The following PCDHGA12 variants were observed in gnomAD, a reference collection of about 807,000 sequenced individuals.
PCDHGA12 encodes the protein protocadherin gamma-A12.
In PCDHGA12, 43 loss-of-function variants were observed where a neutral mutation model predicts 61.1. The ratio of observed to expected loss-of-function variants is 0.70; its 90% CI spans 0.55 to 0.91. The LOEUF (loss-of-function observed/expected upper bound fraction) is 0.91, where lower values mean the gene tolerates loss of function less well. Among genes scored for constraint, PCDHGA12 ranks in the 40% least tolerant of loss-of-function variants. PCDHGA12 has a pLI of 0.00. For missense variants in PCDHGA12, 1,236 were observed against 1,227.7 expected (o/e 1.01, Z -0.10); for synonymous variants, 520 against 542.9 (o/e 0.96, Z 0.59).
At chr5:141,438,633 TATACAC>T (rs1275936248) in intron 1 of PCDHGA12, among the ~76,000 whole-genome samples, 1,035 of 33,718 alleles carry the variant, frequency 0.031, 6 homozygotes, top group African/African-American at 0.063. Context: ...TATATATATA[TATACAC>T]ACACACACAC....
chr5:141,472,339 A>T (rs1330302365), intron 1 of PCDHGA12, among the ~76,000 whole-genome samples: 1 of 151,906 alleles, frequency 6.6e-6, no homozygotes, highest in Non-Finnish European at 1.5e-5. Flanking sequence ...TGGGAGATCG[A>T]GACCATCCTG....
chr5:141,511,358 G>T lies in PCDHGA12; in HGVS notation c.*185G>T, dbSNP rs905197337. 1.5e-6 allele frequency: 2 copies of T among 1,355,398 alleles called. No homozygotes were observed. Among genetic ancestry groups the T allele is most frequent in the East Asian group, 2.5e-5 (1 of 39,588 alleles). The allele number at this position is 1,355,398 out of a possible 1,614,324, so 84.0% of individuals were successfully genotyped here. ...GCACCTACCCCTTCCCCCCCAGGGGGTTGAATATGCAAAAGCAGTTCCGCT... is the reference window on the plus strand; with the variant it reads ...GCACCTACCCCTTCCCCCCCAGGGGTTTGAATATGCAAAAGCAGTTCCGCT... On this transcript the variant is annotated 3_prime_UTR_variant, in exon 4 of 4. Coordinates refer to ENST00000252085, the MANE Select transcript of PCDHGA12 (RefSeq NM_003735.3).
intron 1 of PCDHGA12, among the ~76,000 whole-genome samples, chr5:141,449,589 A>G (rs1196329432): frequency 7.6e-6 from 1 of 131,966 alleles, no homozygotes; most frequent in Non-Finnish European, 1.7e-5. Context: ...ACTCTGTCTC[A>G]AAAAAAAAAA....
chr5:141,462,122 C>T (rs1437400069), intron 1 of PCDHGA12, among the ~76,000 whole-genome samples: 1 of 152,044 alleles, frequency 6.6e-6, no homozygotes, highest in South Asian at 2.1e-4. Context: ...TGCACCCAGT[C>T]CAATTTTTTG....
chr5:141,491,071 C>T lies in PCDHGA12; in HGVS notation c.2425-3736C>T, dbSNP rs987564933. 1 of 1,614,152 alleles carries T rather than the reference C, an allele frequency of 6.2e-7. No individual in the cohort carries two copies. Among genetic ancestry groups the T allele is most frequent in the Non-Finnish European group, 8.5e-7 (1 of 1,180,028 alleles). ...TGCGTGGCTCTCCTACTCACTGTTGCCACAGTCCACAGCCCCAGGACTGTT... is the reference window on the plus strand; with the variant it reads ...TGCGTGGCTCTCCTACTCACTGTTGTCACAGTCCACAGCCCCAGGACTGTT... On this transcript the variant is annotated intron_variant, in intron 1 of 3. Transcript: ENST00000252085. This position sits in a 1 kb window ranked among gnomAD's most constrained non-coding sequence, Gnocchi z 6.9.
intron 1 of PCDHGA12, among the ~76,000 whole-genome samples, chr5:141,456,297 A>G (rs537379475): frequency 6.6e-6 from 1 of 152,274 alleles, no homozygotes; most frequent in African/African-American, 2.4e-5. Context: ...CGTCTAATGG[A>G]GAACAGCAGC....
chr5:141,433,595 G>C (rs2097629585), intron 1 of PCDHGA12, among the ~76,000 whole-genome samples: 1 of 152,070 alleles, frequency 6.6e-6, no homozygotes, highest in South Asian at 2.1e-4. Context: ...CAGTACTTTG[G>C]GAGGCCGAGG....
intron 1 of PCDHGA12, chr5:141,471,361 C>T (rs1206745378): frequency 6.6e-6 from 1 of 151,976 alleles, no homozygotes; most frequent in Non-Finnish European, 1.5e-5. Context: ...TCCAAGCCCC[C>T]TATTTTTATT....
Position 141,511,400 on chromosome 5 carries a change from T to C in PCDHGA12, c.*227T>C. The C allele has an allele frequency of 2.0e-6, 2 of 982,250 alleles. No individual in the cohort carries two copies. Among genetic ancestry groups the C allele is most frequent in the Non-Finnish European group, 2.9e-6 (2 of 688,054 alleles). The allele number at this position is 982,250 out of a possible 1,614,324, so 60.8% of individuals were successfully genotyped here. On this transcript the variant is annotated 3_prime_UTR_variant, in exon 4 of 4. Coordinates refer to ENST00000252085, the MANE Select transcript of PCDHGA12 (RefSeq NM_003735.3). ...AGTTCCGCTGGGAACCCCCATCCAA[T>C]CAACTGCTGTACCCATGGGGGTAGT...
chr5:141,494,901 G>C, intron 2 of PCDHGA12, 36 bp downstream of exon 2: 1 of 1,614,050 alleles, frequency 6.2e-7, no homozygotes, highest in Non-Finnish European at 8.5e-7. Context: ...CCTCTTCTCT[G>C]CGGCATTTTC....
chr5:141,501,666 T>C (rs2099810374), intron 2 of PCDHGA12, among the ~76,000 whole-genome samples: 1 of 152,142 alleles, frequency 6.6e-6, no homozygotes. Context: ...TTGGAAAATA[T>C]AGATAATCAC....
At position 141,487,289 on chromosome 5, in the gene PCDHGA12, G is replaced by T; in HGVS notation, c.2425-7518G>T. 6.2e-7 allele frequency: 1 copy of T among 1,614,096 alleles called. No individual in the cohort carries two copies. The highest frequency in any genetic ancestry group is 8.5e-7 in the Non-Finnish European group (1 of 1,180,024). On this transcript the variant is annotated intron_variant, in intron 1 of 3. Coordinates refer to ENST00000252085, the MANE Select transcript of PCDHGA12 (RefSeq NM_003735.3). The surrounding 1 kb of genome is among the most constrained non-coding windows in gnomAD (Gnocchi z 5.0). Reference sequence around the variant, plus strand: ...AGTGGCAATTTGCTTTGTCTCCTTTGGCTCATTCGTGGCACTACTCTCTAA... The same window carrying T: ...AGTGGCAATTTGCTTTGTCTCCTTTTGCTCATTCGTGGCACTACTCTCTAA...
intron 1 of PCDHGA12, among the ~76,000 whole-genome samples, chr5:141,463,839 T>C (rs1356261890): frequency 1.3e-5 from 2 of 152,240 alleles, no homozygotes; most frequent in African/African-American, 4.8e-5. Flanking sequence ...TTCCCAGTTG[T>C]TATAGTGGTA....
intron 2 of PCDHGA12, 30 bp from the exon 3 acceptor site, chr5:141,505,361 AGT>A: frequency 6.2e-7 from 1 of 1,613,910 alleles, no homozygotes; most frequent in Non-Finnish European, 8.5e-7. Context: ...CCGGCCTGGG[AGT>A]CTGTGCTCAC....
At chr5:141,496,808 G>A (rs1387209844) in intron 2 of PCDHGA12, among the ~76,000 whole-genome samples, 3 of 151,736 alleles carry the variant, frequency 2.0e-5, no homozygotes, top group South Asian at 4.2e-4. Flanking sequence ...GGCTATAGGA[G>A]TGAACAAGTA....
chr5:141,484,530 A>G (rs1406516272), intron 1 of PCDHGA12, among the ~76,000 whole-genome samples: 1 of 152,200 alleles, frequency 6.6e-6, no homozygotes, highest in East Asian at 1.9e-4. Context: ...TTTTGAGTAT[A>G]TGGCAGTGGT....
intron 3 of PCDHGA12, among the ~76,000 whole-genome samples, chr5:141,510,657 G>A (rs1388054630): frequency 6.6e-6 from 1 of 152,156 alleles, no homozygotes; most frequent in Non-Finnish European, 1.5e-5. Context: ...CCATTTTGCA[G>A]ATGAGAAAAC....
chr5:141,477,438 C>A lies in PCDHGA12; in HGVS notation c.2425-17369C>A, dbSNP rs1386997844. The A allele has an allele frequency of 3.1e-6, 5 of 1,614,174 alleles. No individual in the cohort carries two copies. The Admixed American group carries it at 6.7e-5, about 22-fold the overall frequency. On this transcript the variant is annotated intron_variant, in intron 1 of 3. Coordinates refer to ENST00000252085, the MANE Select transcript of PCDHGA12 (RefSeq NM_003735.3). The surrounding 1 kb of genome is among the most constrained non-coding windows in gnomAD (Gnocchi z 4.9). ...GGAACCCCTTCCCTCTCAGCCCTTA[C>A]AATAGTGCGTGTTCAAGTGTCCGAC...
rs781651287 is a variant in PCDHGA12, at chr5:141,505,380, A to G, written c.2484-13A>G. ...CCTGGGAGTCTGTGCTCACCATCCT[A>G]CTCTCTCCCCAGCTCCCAAAATGGC... On this transcript the variant is annotated splice_polypyrimidine_tract_variant and intron_variant, in intron 2 of 3. Transcript: ENST00000252085. The G allele has an allele frequency of 4.3e-6, 7 of 1,613,362 alleles. No homozygotes were observed. The African/African-American group carries it at 5.4e-5, about 12-fold the overall frequency.
Sources: allele counts gnomAD v4.1 joint callset (sites outside exome capture counted in the v4.1 genomes callset), GRCh38; gene constraint gnomAD v4.1.1; non-coding constraint Gnocchi (gnomAD v3.1); transcripts MANE v1.5; gene names NCBI Gene and HGNC (gene_info 2026-07-23, HGNC 2026-07-21).